The following THBS2 variants were observed in gnomAD, a reference collection of about 807,000 sequenced individuals.
THBS2 encodes the protein thrombospondin 2.
In THBS2, 47 loss-of-function variants were observed where a neutral mutation model predicts 135.2. That is an observed-to-expected ratio of 0.35 (90% CI 0.28 to 0.44). The LOEUF is 0.44. Ranked by LOEUF, THBS2 falls within the 20% of genes least tolerant of loss-of-function variation. THBS2 has a pLI of 1.00. For missense variants in THBS2, 1,288 were observed against 1,603.1 expected (o/e 0.80, Z 3.36); for synonymous variants, 639 against 633.8 (o/e 1.01, Z -0.12).
rs752115165 is a variant in THBS2, at chr6:169,232,967, G to A, written c.1702C>T (p.Pro568Ser). Residue 568 changes from proline (P) to serine (S), a missense_variant, in exon 11 of 22, where the codon CCC becomes TCC. Coordinates refer to ENST00000617924, the MANE Select transcript of THBS2 (RefSeq NM_003247.5). The stretch of plus-strand genomic sequence containing the variant: ...GAGCCGCATGACCAGGACCCATCGG[G>A]GAAGCTGCTGCACTGGGCTCCCGGG... ...CFPGAQCSSFPDGSWSCGSCP... is the reference protein window; with the variant it reads ...CFPGAQCSSFSDGSWSCGSCP... 6 of 1,557,066 alleles carry A rather than the reference G, an allele frequency of 3.9e-6. No individual in the cohort carries two copies. The African/African-American group carries it at 4.1e-5, about 11-fold the overall frequency.
rs111502964 is a variant in THBS2, at chr6:169,245,661, G to A, written c.694+536C>T. On this transcript the variant is annotated intron_variant, in intron 4 of 21. Transcript: ENST00000617924. ...CAAAAAATTAGCTGGGTGTGGTGGCGGGTGCCTGTAGTCCCAGCTACTCAG... is the reference window on the plus strand; with the variant it reads ...CAAAAAATTAGCTGGGTGTGGTGGCAGGTGCCTGTAGTCCCAGCTACTCAG... 2.2e-3 allele frequency among the ~76,000 whole-genome samples: 333 copies of A among 151,954 alleles called. 2 individuals are homozygous for A. Among genetic ancestry groups the A allele is most frequent in the African/African-American group, 7.5e-3 (311 of 41,438 alleles).
At position 169,222,255 on chromosome 6, in the gene THBS2, G is replaced by A. The variant is rs770741982; in HGVS notation, c.3215C>T (p.Thr1072Met). 12 of 1,613,184 alleles carry A rather than the reference G, an allele frequency of 7.4e-6. No individual in the cohort carries two copies. The highest frequency in any genetic ancestry group is 8.5e-6 in the Non-Finnish European group (10 of 1,180,010). Residue 1072 changes from threonine (T) to methionine (M), a missense_variant, in exon 19 of 22, where the codon ACG becomes ATG. Transcript: ENST00000617924. ...GVSLKVVNST[T>M]GTGEHLRNAL... ...GTTCCTCAGGTGCTCGCCCGTCCCC[G>A]TGGTGGAGTTCACCACCTTGAGGGA... is the stretch of plus-strand genomic sequence containing the variant.
intron 1 of THBS2, among the ~76,000 whole-genome samples, chr6:169,251,662 G>T (rs1158624769): frequency 1.3e-5 from 2 of 152,128 alleles, no homozygotes; most frequent in Non-Finnish European, 2.9e-5. Context: ...CCCATATTTA[G>T]AATATCAAAG....
In THBS2 at chr6:169,240,493, C is replaced by T; in HGVS notation, c.991G>A (p.Glu331Lys). The stretch of plus-strand genomic sequence containing the variant: ...GTGCAGCTGTCCACCACCCACGTTT[C>T]ATTTTCCGCAAAGAACCGGCCATCC... ...WQDGRFFAEN[E>K]TWVVDSCTTC... The change falls in exon 6 of 22, where the codon GAA becomes AAA. Residue 331 changes from glutamate to lysine, a missense_variant. Physicochemically the swap from Glu to Lys is moderately conservative, Grantham distance 56. This residue lies in a region of THBS2 where 874 missense variants were observed against 1,156.1 expected (regional missense o/e 0.76). Transcript: ENST00000617924. 1 of 1,613,946 alleles carries T rather than the reference C, an allele frequency of 6.2e-7. No individual in the cohort carries two copies. The highest frequency in any genetic ancestry group is 8.5e-7 in the Non-Finnish European group (1 of 1,180,016).
chr6:169,222,171 G>A (rs367566652), intron 19 of THBS2, 26 bp downstream of exon 19: 112 of 1,575,994 alleles, frequency 7.1e-5, no homozygotes, highest in Admixed American at 2.0e-4. Context: ...CAGAGGAGAT[G>A]TGTGGGCCTG....
intron 6 of THBS2, 105 bp downstream of exon 6, chr6:169,240,347 C>T (rs909218283): frequency 1.2e-5 from 18 of 1,444,984 alleles, no homozygotes; most frequent in African/African-American, 7.1e-5. Flanking sequence ...ATAGCTGAAC[C>T]GGTTTCACAC....
chr6:169,227,670 C>T (rs1343934261), intron 15 of THBS2, among the ~76,000 whole-genome samples: 2 of 152,126 alleles, frequency 1.3e-5, no homozygotes, highest in African/African-American at 2.4e-5. Flanking sequence ...AGCATGGGTC[C>T]CTATGGGAAT....
At chr6:169,235,833 AC>A (rs1780020979) in intron 9 of THBS2, among the ~76,000 whole-genome samples, 1 of 71,564 alleles carries the variant, frequency 1.4e-5, no homozygotes, top group Admixed American at 1.8e-4. Context: ...TTCCATCCAC[AC>A]TTACTCCCCA....
intron 21 of THBS2, among the ~76,000 whole-genome samples, chr6:169,218,621 GGATGGATGGATGA>G (rs1335630647): frequency 2.1e-5 from 3 of 146,324 alleles, no homozygotes; most frequent in Admixed American, 1.4e-4. Context: ...ATGGATGAAT[GGATGGATGGATGA>G]GATGGATGGT....
At chr6:169,223,800 T>C (rs1779520007) in intron 17 of THBS2, among the ~76,000 whole-genome samples, 1 of 152,258 alleles carries the variant, frequency 6.6e-6, no homozygotes. Context: ...TGTCAAGTAA[T>C]ATCAACCTGC....
chr6:169,220,243 A>G lies in THBS2; in HGVS notation c.3466T>C (p.Ser1156Pro). ...AGGRLGLFVF[S>P]QEMVYFSDLK... is the part of the protein sequence containing the mutation. ...TCTGAGAAATAGACCATTTCTTGAG[A>G]GAAGACAAATAGACCCAGCCGCCCG... The change falls in exon 21 of 22, where the codon TCT becomes CCT. Residue 1156 changes from serine to proline, a missense_variant. By Grantham distance (74) the Ser-to-Pro change is moderately conservative. Around this residue, in one of 2 missense-constraint regions of THBS2, gnomAD observed 874 missense variants for 1,156.1 expected, o/e 0.76. Coordinates refer to ENST00000617924, the MANE Select transcript of THBS2 (RefSeq NM_003247.5). 2 of 1,613,918 alleles carry G rather than the reference A, an allele frequency of 1.2e-6. No homozygotes were observed. The highest frequency in any genetic ancestry group is 1.7e-6 in the Non-Finnish European group (2 of 1,179,954).
intron 10 of THBS2, among the ~76,000 whole-genome samples, chr6:169,234,052 C>T (rs1236667155): frequency 6.6e-6 from 1 of 151,124 alleles, no homozygotes; most frequent in African/African-American, 2.4e-5. Context: ...TTTCACACCA[C>T]ACCGCTGCCC....
In THBS2 at chr6:169,248,967, T is replaced by C. The variant is rs1299080215; in HGVS notation, c.59A>G (p.His20Arg). Residue 20 changes from histidine (H) to arginine (R), a missense_variant, in exon 3 of 22, where the codon CAC becomes CGC. By Grantham distance (29) the His-to-Arg change is conservative (BLOSUM62 0). This residue lies in a region of THBS2 where 414 missense variants were observed against 447.0 expected (regional missense o/e 0.93). Coordinates refer to ENST00000617924, the MANE Select transcript of THBS2 (RefSeq NM_003247.5). ...LWVWPSTQAG[H>R]QDKDTTFDLF... ...GTCGAAGGTCGTGTCTTTGTCCTGG[T>C]GACCAGCTGCAAAGGGAACCGCAGT... 1 of 1,600,024 alleles carries C rather than the reference T, an allele frequency of 6.2e-7. No homozygotes were observed. The highest frequency in any genetic ancestry group is 2.2e-5 in the East Asian group (1 of 44,586).
At chr6:169,242,792 C>T (rs1342598510) in intron 4 of THBS2, among the ~76,000 whole-genome samples, 3 of 64,014 alleles carry the variant, frequency 4.7e-5, no homozygotes, top group Admixed American at 1.8e-4. Flanking sequence ...CTTCCCACCA[C>T]TCCCACCTTC....
intron 20 of THBS2, among the ~76,000 whole-genome samples, 200 bp from the exon 21 acceptor site, chr6:169,220,537 T>G (rs777478038): frequency 1.3e-5 from 2 of 152,198 alleles, no homozygotes; most frequent in Admixed American, 1.3e-4. Flanking sequence ...GGGCACGCCT[T>G]CCTTCTTGCA....
chr6:169,246,053 G>T, intron 4 of THBS2, 144 bp downstream of exon 4: 1 of 539,042 alleles, frequency 1.9e-6, no homozygotes. Context: ...GTCACTCAAA[G>T]ACAATAGTGG....
chr6:169,230,970 T>A (rs1314990639), intron 13 of THBS2, among the ~76,000 whole-genome samples: 1 of 152,248 alleles, frequency 6.6e-6, no homozygotes, highest in Admixed American at 6.5e-5. Flanking sequence ...ATATTTTGTG[T>A]CAGTTTGTGG....
chr6:169,250,943 A>G, intron 1 of THBS2, 137 bp from the exon 2 acceptor site: 1 of 518,884 alleles, frequency 1.9e-6, no homozygotes, highest in Non-Finnish European at 3.4e-6. Flanking sequence ...GATTTGTGGC[A>G]AACTGAGAGC....
In THBS2 at chr6:169,226,199, A is replaced by AG; in HGVS notation, c.2518dup (p.Leu840ProfsTer6). The AG allele has an allele frequency of 6.2e-7, 1 of 1,612,972 alleles. No homozygotes were observed. The highest frequency in any genetic ancestry group is 8.5e-7 in the Non-Finnish European group (1 of 1,179,610). On this transcript the variant is annotated frameshift_variant, in exon 16 of 22. Coordinates refer to ENST00000617924, the MANE Select transcript of THBS2 (RefSeq NM_003247.5). LOFTEE classifies it high-confidence loss of function. Reference sequence around the variant, plus strand: ...CCTCACCTGGTCAGGGTTGTGCACCAGGGGGCAGTTGTCACAGTGATCCCC... The same window carrying AG: ...CCTCACCTGGTCAGGGTTGTGCACCAGGGGGGCAGTTGTCACAGTGATCCCC...
Sources: gnomAD v4.1 joint callset for allele counts (sites outside exome capture counted in the v4.1 genomes callset) on GRCh38, gnomAD v4.1.1 for gene constraint, gnomAD v4.1.1 regional missense constraint, MANE v1.5 for transcripts, NCBI Gene and HGNC (gene_info 2026-07-23, HGNC 2026-07-21) for gene names.